ZBTB7C: variants seen among roughly 807,000 people sequenced by gnomAD.
ZBTB7C encodes the protein zinc finger and BTB domain-containing protein 7C.
ZBTB7C carries 8 observed loss-of-function variants against 25.7 expected under a neutral mutation model. The ratio of observed to expected loss-of-function variants is 0.31; its 90% CI spans 0.18 to 0.56. The LOEUF is 0.56. Ranked by LOEUF, ZBTB7C falls within the 20% of genes least tolerant of loss-of-function variation. The pLI, the probability that ZBTB7C is intolerant of heterozygous loss-of-function variation, is 0.91. For synonymous variants in ZBTB7C, 394 were observed against 369.0 expected (o/e 1.07, Z -0.78); for missense variants, 824 against 855.2 (o/e 0.96, Z 0.46).
At chr18:48,104,864 C>T (rs1277320344) in intron 3 of ZBTB7C, among the ~76,000 whole-genome samples, 1 of 152,194 alleles carries the variant, frequency 6.6e-6, no homozygotes, top group Non-Finnish European at 1.5e-5. Context: ...CAGTGCCTCC[C>T]AGGCCCTGGG....
intron 1 of ZBTB7C, among the ~76,000 whole-genome samples, chr18:48,376,820 T>C (rs922459282): frequency 6.6e-6 from 1 of 152,162 alleles, no homozygotes; most frequent in Non-Finnish European, 1.5e-5. Context: ...AGGCATCAAT[T>C]AGAGAGTAAT....
chr18:48,291,895 C>T (rs867976041), intron 2 of ZBTB7C, among the ~76,000 whole-genome samples: 2 of 152,254 alleles, frequency 1.3e-5, no homozygotes, highest in South Asian at 2.1e-4. Flanking sequence ...GGGACTCAGC[C>T]TCTTAAAAAT....
At chr18:48,138,682 T>C (rs1004258321) in intron 3 of ZBTB7C, among the ~76,000 whole-genome samples, 1 of 152,102 alleles carries the variant, frequency 6.6e-6, no homozygotes, top group Non-Finnish European at 1.5e-5. Context: ...GTTTCCAAGA[T>C]TGGATGACTC....
intron 3 of ZBTB7C, among the ~76,000 whole-genome samples, chr18:48,115,817 A>G (rs2039418703): frequency 6.6e-6 from 1 of 152,094 alleles, no homozygotes; most frequent in Non-Finnish European, 1.5e-5. Context: ...TTTTAGTCCT[A>G]CATAAGTGGT....
chr18:48,344,463 G>A (rs547669955), intron 1 of ZBTB7C, among the ~76,000 whole-genome samples: 4 of 152,268 alleles, frequency 2.6e-5, no homozygotes, highest in Admixed American at 6.5e-5. Flanking sequence ...GATTAGCCAG[G>A]CTGCAGAGTG....
At chr18:48,342,825 AG>A (rs1409123146) in intron 1 of ZBTB7C, among the ~76,000 whole-genome samples, 1 of 152,054 alleles carries the variant, frequency 6.6e-6, no homozygotes, top group Non-Finnish European at 1.5e-5. Context: ...GGAGGGAGGG[AG>A]GTGCTTTCAA....
chr18:48,340,448 C>G (rs58715946), intron 1 of ZBTB7C, among the ~76,000 whole-genome samples: 1 of 152,214 alleles, frequency 6.6e-6, no homozygotes, highest in African/African-American at 2.4e-5. Context: ...CTGGCATCAT[C>G]GCTCTTTGTC....
intron 3 of ZBTB7C, among the ~76,000 whole-genome samples, chr18:48,061,830 T>G (rs1292387280): frequency 2.6e-5 from 4 of 152,192 alleles, no homozygotes; most frequent in Non-Finnish European, 5.9e-5. Context: ...GCATTTGGTA[T>G]AATGTTTGTT....
intron 3 of ZBTB7C, among the ~76,000 whole-genome samples, chr18:48,138,187 G>A (rs1189842904): frequency 6.6e-6 from 1 of 152,252 alleles, no homozygotes; most frequent in East Asian, 1.9e-4. Context: ...CAGGCCATGA[G>A]CCTTAAAGGA....
chr18:48,165,068 T>A, intron 3 of ZBTB7C: 8 of 1,274,320 alleles, frequency 6.3e-6, no homozygotes, highest in Non-Finnish European at 8.2e-6. Context: ...GATCACCTTG[T>A]GCTTGAACAC....
At chr18:48,054,906 G>C (rs2144276347) in intron 3 of ZBTB7C, among the ~76,000 whole-genome samples, 1 of 152,260 alleles carries the variant, frequency 6.6e-6, no homozygotes, top group East Asian at 1.9e-4. Flanking sequence ...ATTAGGATGT[G>C]AGTTGGAAAC....
Position 48,134,645 on chromosome 18 carries a change from T to A in ZBTB7C, c.-17+51289A>T, listed in dbSNP as rs899455075. On this transcript the variant is annotated intron_variant, in intron 3 of 4. Transcript: ENST00000590800. ...CGCTTGAAGCTAAACTCGAGTCCTA[T>A]GAAAATGCCATCCTGGCCACTGAGG... Among the ~76,000 whole-genome samples, 5 of 152,136 alleles carry A rather than the reference T, an allele frequency of 3.3e-5. No individual in the cohort carries two copies. In the East Asian group the frequency reaches 9.6e-4, roughly 29 times the overall value.
chr18:48,160,664 C>T (rs538138048), intron 3 of ZBTB7C, among the ~76,000 whole-genome samples: 20 of 152,288 alleles, frequency 1.3e-4, no homozygotes, highest in African/African-American at 4.6e-4. Flanking sequence ...GTAGAAAACA[C>T]AAGCTCAGCA....
In ZBTB7C at chr18:48,276,301, A is replaced by T. The variant is rs1253635041; in HGVS notation, c.-79+61873T>A. 2.9e-3 allele frequency among the ~76,000 whole-genome samples: 363 copies of T among 123,594 alleles called. 3 individuals carry two copies. Among genetic ancestry groups the T allele is most frequent in the African/African-American group, 0.01 (335 of 32,422 alleles). 81.1% of individuals were successfully genotyped at this position (123,594 alleles called of 152,430 possible). On this transcript the variant is annotated intron_variant, in intron 2 of 4. Transcript: ENST00000590800. ...TTTTTTTTTTTTCTAAGTCTTTTTT[A>T]TTTATTTATTTATTATACTTTAAGT...
intron 3 of ZBTB7C, among the ~76,000 whole-genome samples, chr18:48,089,836 A>T (rs750153798): frequency 2.0e-5 from 3 of 152,232 alleles, no homozygotes; most frequent in African/African-American, 4.8e-5. Context: ...TGGCTTAATT[A>T]ATCAGACTCT....
intron 1 of ZBTB7C, among the ~76,000 whole-genome samples, chr18:48,406,880 T>C (rs2048294710): frequency 6.6e-6 from 1 of 152,256 alleles, no homozygotes; most frequent in African/African-American, 2.4e-5. Context: ...ATTATGGTTT[T>C]GGAGGAAAAA....
intron 3 of ZBTB7C, among the ~76,000 whole-genome samples, chr18:48,045,016 T>G (rs527883867): frequency 6.6e-6 from 1 of 152,242 alleles, no homozygotes; most frequent in Non-Finnish European, 1.5e-5. Context: ...TTGCAGCTCC[T>G]GCCTCTGATC....
chr18:48,141,572 A>G (rs2040351344), intron 3 of ZBTB7C, among the ~76,000 whole-genome samples: 1 of 146,080 alleles, frequency 6.8e-6, no homozygotes, highest in African/African-American at 2.8e-5. Context: ...GGCGGGGGGG[A>G]AAGTAACCCA....
intron 3 of ZBTB7C, among the ~76,000 whole-genome samples, chr18:48,122,385 T>A (rs1449820798): frequency 1.3e-5 from 2 of 152,228 alleles, no homozygotes; most frequent in African/African-American, 4.8e-5. Context: ...ATGTAGTTGT[T>A]TCATCTTTAT....
Sources: allele counts gnomAD v4.1 joint callset (sites outside exome capture counted in the v4.1 genomes callset), GRCh38; gene constraint gnomAD v4.1.1; transcripts MANE v1.5; gene names NCBI Gene and HGNC (gene_info 2026-07-23, HGNC 2026-07-21).